The following RASEF variants were observed in gnomAD, a reference collection of about 807,000 sequenced individuals.
RASEF encodes RAS and EF-hand domain containing, also known as ras and EF-hand domain-containing protein.
Under a neutral mutation model 90.1 loss-of-function variants are expected in RASEF, and 68 were observed. That is an observed-to-expected ratio of 0.75 (90% confidence interval 0.62 to 0.92). RASEF has a LOEUF of 0.92. Ranked by LOEUF, RASEF falls within the 40% of genes least tolerant of loss-of-function variation. RASEF has a pLI of 0.00. For missense variants in RASEF, 949 were observed against 937.2 expected, an observed-to-expected ratio of 1.01 and a Z score of -0.16; for synonymous variants, 331 against 345.2, an observed-to-expected ratio of 0.96 and a Z score of 0.46.
chr9:83,090,930 A>G, the RASEF span, among the ~76,000 whole-genome samples: 3 of 152,074 alleles, frequency 2.0e-5, no homozygotes, highest in Non-Finnish European at 2.9e-5. Flanking sequence ...AGTCTATATT[A>G]TCTCTCACGT....
chr9:83,141,033 C>T, the RASEF span, among the ~76,000 whole-genome samples: 1 of 151,204 alleles, frequency 6.6e-6, no homozygotes, highest in East Asian at 2.0e-4. Flanking sequence ...ATTCCAGCTA[C>T]TTGGGAGGCT....
At chr9:83,158,625 C>CAT in the RASEF span, among the ~76,000 whole-genome samples, 3 of 87,340 alleles carry the variant, frequency 3.4e-5, no homozygotes, top group Admixed American at 1.2e-4. Context: ...TATATATGTA[C>CAT]ATATGTATAT....
chr9:83,216,432 C>A, the RASEF span, among the ~76,000 whole-genome samples: 1 of 152,198 alleles, frequency 6.6e-6, no homozygotes, highest in African/African-American at 2.4e-5. Context: ...GCCCAAGGTA[C>A]AGCTCAGGCT....
the RASEF span, among the ~76,000 whole-genome samples, chr9:83,165,612 T>A: frequency 6.6e-6 from 1 of 152,036 alleles, no homozygotes; most frequent in Non-Finnish European, 1.5e-5. Flanking sequence ...AGGAGGAAAT[T>A]AAAGCCAAAG....
intron 14 of RASEF, among the ~76,000 whole-genome samples, chr9:82,993,297 A>G (rs753605852): frequency 3.3e-5 from 5 of 152,210 alleles, no homozygotes; most frequent in Admixed American, 1.3e-4. Context: ...TTGCCTCTAT[A>G]TAATGCCCCA....
At position 83,062,510 on chromosome 9, in the gene RASEF, C is replaced by A. The variant is rs762335576; in HGVS notation, c.358G>T (p.Gly120Cys). 1.9e-6 allele frequency: 3 copies of A among 1,610,826 alleles called. No homozygotes were observed. The highest frequency in any genetic ancestry group is 2.5e-6 in the Non-Finnish European group (3 of 1,179,068). ...DAAAALATSC[G>C]PASPGRAWQD... Reference sequence around the variant, plus strand: ...CAAGCCCGGCCGGGACTCGCCGGGCCGCACGAGGTGGCCAGCGCCGCCGCC... The same window carrying A: ...CAAGCCCGGCCGGGACTCGCCGGGCAGCACGAGGTGGCCAGCGCCGCCGCC... The change falls in exon 1 of 17, where the codon GGC becomes TGC. Residue 120 changes from glycine (G) to cysteine (C), a missense_variant. Transcript: ENST00000376447.
At chr9:83,036,156 A>G (rs1305394869) in intron 1 of RASEF, among the ~76,000 whole-genome samples, 3 of 152,242 alleles carry the variant, frequency 2.0e-5, no homozygotes, top group Non-Finnish European at 4.4e-5. Context: ...CAATGTAACT[A>G]AAACTTTCCT....
intron 15 of RASEF, among the ~76,000 whole-genome samples, chr9:82,990,958 G>A (rs1176936818): frequency 6.6e-6 from 1 of 152,136 alleles, no homozygotes; most frequent in East Asian, 1.9e-4. Flanking sequence ...CAACCTCCCA[G>A]CCATAGTGCA....
At chr9:83,169,417 A>G in the RASEF span, among the ~76,000 whole-genome samples, 1 of 150,610 alleles carries the variant, frequency 6.6e-6, no homozygotes, top group African/African-American at 2.4e-5. Context: ...GTTTGATCTT[A>G]TACAGTAGCT....
the RASEF span, among the ~76,000 whole-genome samples, chr9:83,122,526 C>G: frequency 6.6e-6 from 1 of 152,100 alleles, no homozygotes; most frequent in Non-Finnish European, 1.5e-5. Context: ...TGCACTGGCT[C>G]CCCCACTCCT....
the RASEF span, among the ~76,000 whole-genome samples, chr9:83,078,000 G>A: frequency 4.6e-5 from 7 of 152,048 alleles, no homozygotes; most frequent in Non-Finnish European, 1.0e-4. Context: ...GCTTCTTCTG[G>A]GATAAGGGAT....
At chr9:82,999,094 TC>T (rs1182570380) in intron 12 of RASEF, among the ~76,000 whole-genome samples, 9 of 102,546 alleles carry the variant, frequency 8.8e-5, no homozygotes, top group African/African-American at 3.3e-4. Flanking sequence ...ACAAAGACAC[TC>T]ATGTGAAGAG....
the RASEF span, among the ~76,000 whole-genome samples, chr9:83,217,727 G>A: frequency 3.3e-5 from 5 of 152,226 alleles, no homozygotes; most frequent in East Asian, 9.6e-4. Context: ...CCAGTCTCAG[G>A]TATGTCTTTA....
At chr9:83,198,019 C>T in the RASEF span, among the ~76,000 whole-genome samples, 2 of 152,194 alleles carry the variant, frequency 1.3e-5, no homozygotes, top group African/African-American at 2.4e-5. Flanking sequence ...TACATCTCCT[C>T]GATGCCATGA....
intron 12 of RASEF, among the ~76,000 whole-genome samples, chr9:82,999,647 A>T (rs1828987402): frequency 6.6e-6 from 1 of 150,860 alleles, no homozygotes; most frequent in African/African-American, 2.4e-5. Context: ...TCTATCACCC[A>T]GGCTGAAGTG....
chr9:83,142,775 A>G, the RASEF span, among the ~76,000 whole-genome samples: 1 of 152,200 alleles, frequency 6.6e-6, no homozygotes, highest in Admixed American at 6.5e-5. Flanking sequence ...TTTTACATTT[A>G]AAAAACTTCA....
chr9:83,188,541 T>A, the RASEF span, among the ~76,000 whole-genome samples: 2 of 152,188 alleles, frequency 1.3e-5, no homozygotes, highest in Non-Finnish European at 2.9e-5. Flanking sequence ...GAAATCGGCA[T>A]CTCTATTGTG....
the RASEF span, among the ~76,000 whole-genome samples, chr9:83,158,391 T>C: frequency 6.6e-6 from 1 of 151,658 alleles, no homozygotes; most frequent in African/African-American, 2.4e-5. Flanking sequence ...ATAGTAAAAA[T>C]TCAGTTTTCT....
At chr9:83,018,556 TTTTG>T (rs1300928379) in intron 3 of RASEF, among the ~76,000 whole-genome samples, 2 of 152,156 alleles carry the variant, frequency 1.3e-5, no homozygotes, top group African/African-American at 4.8e-5. Context: ...GACTTTTAGT[TTTTG>T]TTTGCTTTTT....
Sources: allele counts gnomAD v4.1 joint callset (sites outside exome capture counted in the v4.1 genomes callset), GRCh38; gene constraint gnomAD v4.1.1; transcripts MANE v1.5; gene names NCBI Gene and HGNC (gene_info 2026-07-23, HGNC 2026-07-21).